Variants in SBF2 observed in about 807,000 individuals in gnomAD.
The protein encoded by SBF2 is SET binding factor 2.
SBF2 carries 112 observed loss-of-function variants against 225.2 expected under a neutral mutation model. The observed-to-expected ratio is 0.50, with a 90% CI of 0.43 to 0.58. The LOEUF (loss-of-function observed/expected upper bound fraction) is 0.58, where lower values mean the gene tolerates loss of function less well. Among genes scored for constraint, SBF2 ranks in the 20% least tolerant of loss-of-function variants. The probability of loss-of-function intolerance (pLI) is 0.00; values close to 1 mark genes in which losing one functional copy is unlikely to be tolerated. For synonymous variants in SBF2, 763 were observed against 773.3 expected (o/e 0.99, Z 0.22); for missense variants, 1,996 against 2,206.2 (o/e 0.90, Z 1.91).
chr11:10,207,537 T>C (rs1475704383), intron 1 of SBF2, among the ~76,000 whole-genome samples: 1 of 152,128 alleles, frequency 6.6e-6, no homozygotes, highest in Non-Finnish European at 1.5e-5. Context: ...ACCTTTAAGA[T>C]TGCTTAAAAC....
chr11:10,147,457 C>T (rs1954944294), intron 2 of SBF2, among the ~76,000 whole-genome samples: 2 of 152,208 alleles, frequency 1.3e-5, no homozygotes, highest in African/African-American at 4.8e-5. Flanking sequence ...CCTTAGCAAA[C>T]TAACAGAAAA....
chr11:10,065,843 G>A (rs973780284), intron 2 of SBF2, among the ~76,000 whole-genome samples: 1 of 152,082 alleles, frequency 6.6e-6, no homozygotes, highest in Non-Finnish European at 1.5e-5. Context: ...AGCTACTCAG[G>A]AGGCTGAGGC....
intron 2 of SBF2, among the ~76,000 whole-genome samples, chr11:10,074,953 T>C (rs563780504): frequency 6.2e-4 from 95 of 152,368 alleles, no homozygotes; most frequent in Non-Finnish European, 1.1e-3. Context: ...GAAAAATATA[T>C]TAATGTTTCC....
At chr11:9,934,393 AC>A (rs1864729364) in intron 16 of SBF2, among the ~76,000 whole-genome samples, 1 of 152,208 alleles carries the variant, frequency 6.6e-6, no homozygotes, top group African/African-American at 2.4e-5. Context: ...AGGAGCTGGT[AC>A]CATTCCTTCT....
In SBF2 at chr11:9,851,419, T is replaced by C. The variant is rs1037337533; in HGVS notation, c.2611-1201A>G. On this transcript the variant is annotated intron_variant, in intron 21 of 39. Coordinates refer to ENST00000256190, the MANE Select transcript of SBF2 (RefSeq NM_030962.4). ...TACTTTTGAAATTATTTGCACATTA[T>C]TTTGTTTTTCAAGAAAACAAAAAAT... is the stretch of plus-strand genomic sequence containing the variant. 2.6e-5 allele frequency among the ~76,000 whole-genome samples: 4 copies of C among 152,312 alleles called. No individual in the cohort carries two copies. In the East Asian group the frequency reaches 5.8e-4, roughly 22 times the overall value.
At chr11:9,995,002 A>C (rs989207200) in intron 9 of SBF2, among the ~76,000 whole-genome samples, 1 of 150,984 alleles carries the variant, frequency 6.6e-6, no homozygotes, top group African/African-American at 2.4e-5. Flanking sequence ...GCACCACTGC[A>C]CTCCAGCCTG....
intron 16 of SBF2, among the ~76,000 whole-genome samples, chr11:9,951,772 A>G (rs1404432711): frequency 1.3e-5 from 2 of 152,214 alleles, no homozygotes; most frequent in African/African-American, 4.8e-5. Context: ...ATAAGTGCTG[A>G]CTGGATGGTT....
intron 9 of SBF2, 21 bp downstream of exon 9, chr11:9,998,245 T>C: frequency 1.5e-6 from 2 of 1,333,436 alleles, no homozygotes; most frequent in Non-Finnish European, 2.2e-6. Flanking sequence ...AGAAAGTTAC[T>C]ATTACAAAAA....
At chr11:9,854,002 AG>A (rs1489119147) in intron 19 of SBF2, among the ~76,000 whole-genome samples, 1 of 152,242 alleles carries the variant, frequency 6.6e-6, no homozygotes, top group Non-Finnish European at 1.5e-5. Context: ...AAAGGAATGC[AG>A]GAACCACAGA....
intron 2 of SBF2, among the ~76,000 whole-genome samples, chr11:10,072,874 G>T (rs2134819002): frequency 6.6e-6 from 1 of 150,770 alleles, no homozygotes; most frequent in East Asian, 1.9e-4. Flanking sequence ...ACAGATGCAT[G>T]ACACCACATA....
At chr11:10,230,401 A>C (rs1958786673) in intron 1 of SBF2, among the ~76,000 whole-genome samples, 2 of 152,272 alleles carry the variant, frequency 1.3e-5, no homozygotes, top group South Asian at 2.1e-4. Flanking sequence ...GTTTCTTCCT[A>C]GCCTTGATGG....
At chr11:10,273,429 C>T (rs759535128) in intron 1 of SBF2, among the ~76,000 whole-genome samples, 57 of 152,120 alleles carry the variant, frequency 3.7e-4, no homozygotes, top group Non-Finnish European at 7.4e-5. Context: ...ACAGAAAAGA[C>T]TACAATGAAT....
intron 21 of SBF2, among the ~76,000 whole-genome samples, chr11:9,850,670 AT>A (rs1856859777): frequency 6.6e-6 from 1 of 152,258 alleles, no homozygotes; most frequent in Non-Finnish European, 1.5e-5. Flanking sequence ...GAGAAACCTG[AT>A]TTGGTAAGAG....
At chr11:9,876,157 C>T (rs111903915) in intron 17 of SBF2, among the ~76,000 whole-genome samples, 1 of 152,132 alleles carries the variant, frequency 6.6e-6, no homozygotes, top group South Asian at 2.1e-4. Flanking sequence ...CACAGTTGAA[C>T]GAGTTGAATG....
At chr11:10,039,352 A>AT (rs1399557075) in intron 3 of SBF2, among the ~76,000 whole-genome samples, 13 of 150,626 alleles carry the variant, frequency 8.6e-5, no homozygotes, top group East Asian at 7.8e-4. Context: ...TCTGGGTTCT[A>AT]TTTTTTTTTC....
At chr11:9,817,924 T>G (rs1020934672) in intron 28 of SBF2, among the ~76,000 whole-genome samples, 6 of 151,976 alleles carry the variant, frequency 3.9e-5, no homozygotes, top group Admixed American at 1.3e-4. Context: ...ATGAATAAAA[T>G]GTACAGTCAG....
intron 17 of SBF2, among the ~76,000 whole-genome samples, chr11:9,858,737 C>T (rs79857091): frequency 0.015 from 2,250 of 152,234 alleles, 24 homozygotes; most frequent in South Asian, 0.032. Context: ...AAATCCATCA[C>T]GATGTAAACA....
At chr11:10,057,568 C>G (rs1050675752) in intron 2 of SBF2, among the ~76,000 whole-genome samples, 1 of 152,184 alleles carries the variant, frequency 6.6e-6, no homozygotes, top group Non-Finnish European at 1.5e-5. Flanking sequence ...ACCTGCATCT[C>G]TCTGGGGTGG....
chr11:9,920,014 G>A (rs781347535), intron 16 of SBF2, among the ~76,000 whole-genome samples: 14 of 152,012 alleles, frequency 9.2e-5, no homozygotes, highest in Non-Finnish European at 1.3e-4. Context: ...TTACAGGTGT[G>A]AGCCACCATG....
Sources: allele counts gnomAD v4.1 joint callset (sites outside exome capture counted in the v4.1 genomes callset), GRCh38; gene constraint gnomAD v4.1.1; transcripts MANE v1.5; gene names NCBI Gene and HGNC (gene_info 2026-07-23, HGNC 2026-07-21).